The following NINL variants were observed in gnomAD, a reference collection of about 807,000 sequenced individuals.
NINL encodes ninein-like protein.
In NINL, 153 loss-of-function variants were observed where a neutral mutation model predicts 160.3. That is an observed-to-expected ratio of 0.95 (90% CI 0.84 to 1.09). NINL has a LOEUF of 1.09. Ranked by LOEUF, NINL falls within the 50% of genes least tolerant of loss-of-function variation. NINL has a pLI of 0.00. For synonymous variants in NINL, 800 were observed against 734.8 expected (o/e 1.09, Z -1.43); for missense variants, 1,829 against 1,764.0 (o/e 1.04, Z -0.66).
intron 1 of NINL, among the ~76,000 whole-genome samples, chr20:25,545,297 C>T (rs529480415): frequency 3.9e-5 from 6 of 152,196 alleles, no homozygotes; most frequent in African/African-American, 9.6e-5. Context: ...CAGACATCTC[C>T]GGGTAGGTGG....
chr20:25,491,551 C>T lies in NINL; in HGVS notation c.1311-26G>A, dbSNP rs1377057820. 3 of 1,605,172 alleles carry T rather than the reference C, an allele frequency of 1.9e-6. No individual in the cohort carries two copies. In the East Asian group the frequency reaches 6.7e-5, roughly 36 times the overall value. ...CTGTAACATGTCACACATCACACGT[C>T]AGACATGTCATGTCAGGGCTGCCCA... is the stretch of plus-strand genomic sequence containing the variant. On this transcript the variant is annotated intron_variant, in intron 10 of 23. Coordinates refer to ENST00000278886, the MANE Select transcript of NINL (RefSeq NM_025176.6).
At chr20:25,505,660 C>T (rs546537779) in intron 5 of NINL, among the ~76,000 whole-genome samples, 14 of 152,286 alleles carry the variant, frequency 9.2e-5, no homozygotes, top group Non-Finnish European at 1.9e-4. Context: ...CAGGCTGAAG[C>T]ATTTCGGGGA....
chr20:25,569,914 G>A (rs1040320209), intron 1 of NINL, among the ~76,000 whole-genome samples: 1 of 152,126 alleles, frequency 6.6e-6, no homozygotes, highest in African/African-American at 2.4e-5. Context: ...GCCGGGCGTG[G>A]TGGCTCACAC....
Position 25,469,937 on chromosome 20 carries a change from C to G in NINL, c.3353+54G>C, listed in dbSNP as rs1313945101. 9.5e-6 allele frequency: 12 copies of G among 1,267,694 alleles called. No individual in the cohort carries two copies. The Admixed American group carries it at 2.0e-4, about 21-fold the overall frequency. The allele number at this position is 1,267,694 out of a possible 1,614,324, so 78.5% of individuals were successfully genotyped here. A position where few individuals can be genotyped will look rare whatever the true frequency, so the allele number is the denominator to read the frequency against. ...TATATGGAGACTGCATAAGGTCACT[C>G]TACGGAGGGCAAAACGCACCCCCAG... On this transcript the variant is annotated intron_variant, in intron 18 of 23. Coordinates refer to ENST00000278886, the MANE Select transcript of NINL (RefSeq NM_025176.6).
intron 1 of NINL, among the ~76,000 whole-genome samples, chr20:25,554,462 TG>T (rs1451036006): frequency 2.6e-5 from 4 of 151,972 alleles, no homozygotes; most frequent in Admixed American, 6.6e-5. Context: ...ATCTGCATAC[TG>T]GAGTTTAAGG....
At chr20:25,573,170 GCC>G (rs2065074001) in intron 1 of NINL, among the ~76,000 whole-genome samples, 1 of 151,946 alleles carries the variant, frequency 6.6e-6, no homozygotes, top group Non-Finnish European at 1.5e-5. Context: ...GGTGGCACAT[GCC>G]TGTAGTGCCA....
intron 1 of NINL, among the ~76,000 whole-genome samples, chr20:25,581,673 A>G (rs2097794549): frequency 6.6e-6 from 1 of 152,242 alleles, no homozygotes. Flanking sequence ...ATTAGCGGAT[A>G]ACTCTTTTTT....
rs35764557 is a variant in NINL at position 25,510,693 on chromosome 20, A to G, written c.498T>C (p.Asn166=). 3.2e-3 allele frequency: 5,126 copies of G among 1,613,928 alleles called. 159 individuals are homozygous for G. The African/African-American group carries it at 0.061, about 19-fold the overall frequency. Residue 166 remains asparagine (N), a synonymous_variant, in exon 5 of 24, where the codon AAT becomes AAC. Transcript: ENST00000278886. ...CTTTACCTTGTGCTTCAAATAATTC[A>G]TTCTGAGCTTCTTTAGTGCTCTCGG... is the stretch of plus-strand genomic sequence containing the variant. ...EEAESTKEAQ[N]ELFEAQGQLQ... is the part of the protein sequence containing the mutation.
rs376135562 is a variant in NINL at position 25,529,611 on chromosome 20, AAAC to A, written c.-11-3016_-11-3014del. 3.6e-3 allele frequency among the ~76,000 whole-genome samples: 554 copies of A among 152,142 alleles called. 4 individuals are homozygous for A. Among genetic ancestry groups the A allele is most frequent in the African/African-American group, 0.012 (512 of 41,440 alleles). ...GATGGTAACAATGAAAATGGACAGA[AAAC>A]CATAAACAATAAATCGGAAAGCAAA... On this transcript the variant is annotated intron_variant, in intron 1 of 23. Transcript: ENST00000278886.
chr20:25,459,760 G>A (rs74496481), intron 21 of NINL, among the ~76,000 whole-genome samples: 3,165 of 152,232 alleles, frequency 0.021, 102 homozygotes, highest in African/African-American at 0.071. Flanking sequence ...AGCCCAAGGG[G>A]GATCTCTGCC....
chr20:25,522,841 C>G (rs993992302), intron 2 of NINL, among the ~76,000 whole-genome samples: 3 of 152,130 alleles, frequency 2.0e-5, no homozygotes, highest in Admixed American at 1.3e-4. Context: ...AGGTATTTTA[C>G]CAATAAGATA....
chr20:25,459,110 C>T (rs1485335019), intron 21 of NINL: 2 of 152,652 alleles, frequency 1.3e-5, no homozygotes, highest in African/African-American at 2.4e-5. Flanking sequence ...CAATTTACAT[C>T]CAGTTGACTG....
At chr20:25,517,213 A>G (rs2064176728) in intron 3 of NINL, among the ~76,000 whole-genome samples, 1 of 152,052 alleles carries the variant, frequency 6.6e-6, no homozygotes, top group African/African-American at 2.4e-5. Context: ...AGTGCTCCCT[A>G]TGTGACACAC....
In NINL at chr20:25,539,830, C is replaced by T. The variant is rs117819930; in HGVS notation, c.-11-13232G>A. 1.9e-3 allele frequency among the ~76,000 whole-genome samples: 290 copies of T among 152,386 alleles called. 3 individuals are homozygous for T. In the East Asian group the frequency reaches 0.041, roughly 22 times the overall value. ...GAGGGCAGAGGCAAGGACACCCCTTCTCTATCATCCTTCCACAGACCCACG... is the reference window on the plus strand; with the variant it reads ...GAGGGCAGAGGCAAGGACACCCCTTTTCTATCATCCTTCCACAGACCCACG... On this transcript the variant is annotated intron_variant, in intron 1 of 23. Transcript: ENST00000278886.
intron 1 of NINL, among the ~76,000 whole-genome samples, chr20:25,545,595 C>T (rs1406787892): frequency 6.6e-6 from 1 of 152,094 alleles, no homozygotes; most frequent in Non-Finnish European, 1.5e-5. Flanking sequence ...TGCCCTCCTC[C>T]CTTTAGAATA....
intron 1 of NINL, among the ~76,000 whole-genome samples, chr20:25,532,705 G>GAC (rs1213680440): frequency 6.6e-6 from 1 of 152,224 alleles, no homozygotes; most frequent in African/African-American, 2.4e-5. Context: ...AGGTGAGTCA[G>GAC]ACACAGCAGG....
chr20:25,526,702 C>T, intron 1 of NINL, 104 bp from the exon 2 acceptor site: 2 of 1,203,004 alleles, frequency 1.7e-6, no homozygotes, highest in Non-Finnish European at 1.2e-6. Context: ...CAAGCAGACG[C>T]AGGAGCTGGC....
intron 7 of NINL, 114 bp downstream of exon 7, chr20:25,503,838 G>C: frequency 1.5e-6 from 2 of 1,296,834 alleles, no homozygotes; most frequent in South Asian, 1.3e-5. Flanking sequence ...GGCCTGTCCA[G>C]TTCTTGGACA....
chr20:25,497,738 C>T (rs967526387), intron 9 of NINL, among the ~76,000 whole-genome samples: 3 of 152,204 alleles, frequency 2.0e-5, no homozygotes, highest in Admixed American at 2.0e-4. Flanking sequence ...AGCCTGGGAG[C>T]CCCCTGGCGC....
Sources: gnomAD v4.1 joint callset for allele counts (sites outside exome capture counted in the v4.1 genomes callset) on GRCh38, gnomAD v4.1.1 for gene constraint, MANE v1.5 for transcripts, NCBI Gene and HGNC (gene_info 2026-07-23, HGNC 2026-07-21) for gene names.